Variants in LONP1 observed in about 807,000 individuals in gnomAD.
LONP1 encodes the protein lon protease homolog, mitochondrial.
LONP1 carries 31 observed loss-of-function variants against 98.5 expected under a neutral mutation model. The observed-to-expected ratio is 0.31, with a 90% CI of 0.24 to 0.42. LONP1 has a LOEUF of 0.42. LONP1 is among the 20% of genes least tolerant of loss of function. The pLI is 1.00. For synonymous variants in LONP1, 781 were observed against 594.7 expected (o/e 1.31, Z -4.56); for missense variants, 1,336 against 1,350.6 (o/e 0.99, Z 0.17).
chr19:5,702,113 C>CGGGA (rs2055059940), intron 8 of LONP1, among the ~76,000 whole-genome samples: 1 of 135,502 alleles, frequency 7.4e-6, no homozygotes, highest in Admixed American at 7.2e-5. Flanking sequence ...CCGCCCCGTC[C>CGGGA]GGGAGGTGAG....
At chr19:5,700,728 C>G (rs949756705) in intron 9 of LONP1, 61 bp downstream of exon 9, 4 of 1,601,134 alleles carry the variant, frequency 2.5e-6, no homozygotes, top group Non-Finnish European at 2.6e-6. Flanking sequence ...CCACAGCACA[C>G]AAGAGTCCTG....
chr19:5,706,973 C>T, intron 7 of LONP1, 87 bp downstream of exon 7: 1 of 1,139,616 alleles, frequency 8.8e-7, no homozygotes, highest in Non-Finnish European at 1.3e-6. Flanking sequence ...TGCCACCGGT[C>T]CCTCCGTGTG....
In LONP1 at chr19:5,702,087, C is replaced by T. The variant is rs575776815; in HGVS notation, c.1368-1160G>A. 1.3e-4 allele frequency among the ~76,000 whole-genome samples: 18 copies of T among 138,320 alleles called. No individual in the cohort carries two copies. In the South Asian group the frequency reaches 3.4e-3, roughly 26 times the overall value. 90.7% of individuals were successfully genotyped at this position (138,320 alleles called of 152,430 possible). ...TCCGGGAGGGAGGTGGGGGGGTCAG[C>T]CCCCCACCCGGCCAGCCGCCCCGTC... is the stretch of plus-strand genomic sequence containing the variant. On this transcript the variant is annotated intron_variant, in intron 8 of 17. Transcript: ENST00000360614.
chr19:5,699,271 C>T (rs779357288), intron 9 of LONP1, 66 bp from the exon 10 acceptor site: 16 of 1,306,814 alleles, frequency 1.2e-5, no homozygotes, highest in East Asian at 8.0e-5. Context: ...GCATGACTCT[C>T]GCCACCTGCA....
intron 10 of LONP1, among the ~76,000 whole-genome samples, chr19:5,697,702 GT>G (rs2054964770): frequency 6.6e-6 from 1 of 151,942 alleles, no homozygotes; most frequent in South Asian, 2.1e-4. Context: ...GCAAAGGAGG[GT>G]TTTGCTGCTG....
chr19:5,704,530 A>G (rs1213598651), intron 8 of LONP1, among the ~76,000 whole-genome samples: 2 of 152,168 alleles, frequency 1.3e-5, no homozygotes, highest in African/African-American at 2.4e-5. Flanking sequence ...GCGCTGTCCT[A>G]CGGCCTGCCC....
chr19:5,708,533 G>A, intron 4 of LONP1, 130 bp from the exon 5 acceptor site: 1 of 690,432 alleles, frequency 1.4e-6, no homozygotes, highest in Non-Finnish European at 2.5e-6. Context: ...AACTGGCCCT[G>A]GCCACGGACG....
chr19:5,693,817 C>T, intron 15 of LONP1, 48 bp from the exon 16 acceptor site: 1 of 1,517,118 alleles, frequency 6.6e-7, no homozygotes, highest in Non-Finnish European at 9.0e-7. Context: ...GGAGCCCAGG[C>T]CGGTGCTCAC....
rs2055406266 is a variant in LONP1, at chr19:5,719,920, C to T, written c.213G>A (p.Ala71=). ...IGGQWRGFWE[A]SSRGGGAFSG... ...AGAATGCGCCTCCGCCGCGGCTGCT[C>T]GCTTCCCAAAACCCCCGCCATTGGC... Residue 71 remains alanine, a synonymous_variant, in exon 1 of 18, where the codon GCG becomes GCA. Coordinates refer to ENST00000360614, the MANE Select transcript of LONP1 (RefSeq NM_004793.4). 1 of 1,550,794 alleles carries T rather than the reference C, an allele frequency of 6.4e-7. No homozygotes were observed. Among genetic ancestry groups the T allele is most frequent in the African/African-American group, 1.4e-5 (1 of 72,644 alleles).
Position 5,696,393 on chromosome 19 carries a change from G to T in LONP1, c.1774-22C>A, listed in dbSNP as rs200722928. On this transcript the variant is annotated intron_variant, in intron 11 of 17. Coordinates refer to ENST00000360614, the MANE Select transcript of LONP1 (RefSeq NM_004793.4). ...CCACCTGGGGCAGCAGACAGCAGGT[G>T]GTGCCCCTCGCCGTGCCCCTGGCCA... 5 of 1,609,682 alleles carry T rather than the reference G, an allele frequency of 3.1e-6. No homozygotes were observed. The Admixed American group carries it at 8.3e-5, about 27-fold the overall frequency.
At chr19:5,713,347 G>C (rs569078558) in intron 2 of LONP1, 94 bp from the exon 3 acceptor site, 2 of 1,453,962 alleles carry the variant, frequency 1.4e-6, no homozygotes, top group Non-Finnish European at 1.9e-6. Flanking sequence ...GAAAAGAAAC[G>C]CCCCTACCAA....
At chr19:5,707,882 C>A in intron 5 of LONP1, 56 bp from the exon 6 acceptor site, 1 of 1,597,552 alleles carries the variant, frequency 6.3e-7, no homozygotes, top group East Asian at 2.2e-5. Context: ...TGCTGCAGTG[C>A]AGCCCCCAAA....
Position 5,694,918 on chromosome 19 carries a change from C to G in LONP1, c.2014-17G>C. 6.3e-7 allele frequency: 1 copy of G among 1,587,368 alleles called. No individual in the cohort carries two copies. Among genetic ancestry groups the G allele is most frequent in the African/African-American group, 1.3e-5 (1 of 74,618 alleles). On this transcript the variant is annotated splice_polypyrimidine_tract_variant and intron_variant, in intron 13 of 17. Transcript: ENST00000360614. ...CAGGTAGCGCTGCAAGGGCAACCGT[C>G]AGGGTTGGGTCTGGAGGGACCTTGC...
chr19:5,714,333 C>CAAA, intron 1 of LONP1, 62 bp from the exon 2 acceptor site: 4 of 1,142,560 alleles, frequency 3.5e-6, no homozygotes, highest in Non-Finnish European at 3.9e-6. Context: ...GACAGAGTCT[C>CAAA]ATTCTGTTGC....
Position 5,693,648 on chromosome 19 carries a change from G to T in LONP1, c.2442C>A (p.Ala814=). The part of the protein sequence containing the change: ...GQLGEVMKES[A]RIAYTFARAF... Reference sequence around the variant, plus strand: ...CTCTGGCGAAGGTGTAGGCTATGCGGGCGCTCTCCTTCATCACCTCCCCCA... The same window carrying T: ...CTCTGGCGAAGGTGTAGGCTATGCGTGCGCTCTCCTTCATCACCTCCCCCA... The change falls in exon 16 of 18, where the codon GCC becomes GCA. Residue 814 remains alanine (A), a synonymous_variant. Coordinates refer to ENST00000360614, the MANE Select transcript of LONP1 (RefSeq NM_004793.4). The T allele has an allele frequency of 3.1e-6, 5 of 1,614,084 alleles. No individual in the cohort carries two copies. Among genetic ancestry groups the T allele is most frequent in the Non-Finnish European group, 4.2e-6 (5 of 1,179,988 alleles).
chr19:5,716,293 T>TATAC (rs1568329217), intron 1 of LONP1, among the ~76,000 whole-genome samples: 16 of 110,688 alleles, frequency 1.4e-4, no homozygotes, highest in African/African-American at 5.0e-4. Flanking sequence ...TATATATATA[T>TATAC]ATATATAGTA....
intron 8 of LONP1, among the ~76,000 whole-genome samples, chr19:5,702,099 C>T (rs1471258741): frequency 6.6e-6 from 1 of 150,426 alleles, no homozygotes; most frequent in East Asian, 2.0e-4. Flanking sequence ...CCCCACCCGG[C>T]CAGCCGCCCC....
At chr19:5,713,591 C>T (rs1050002223) in intron 2 of LONP1, among the ~76,000 whole-genome samples, 2 of 152,012 alleles carry the variant, frequency 1.3e-5, no homozygotes, top group African/African-American at 4.8e-5. Context: ...GATGGAGTTT[C>T]GCTCTTGTTG....
At position 5,696,720 on chromosome 19, in the gene LONP1, G is replaced by A. The variant is rs1319549392; in HGVS notation, c.1723C>T (p.Gln575Ter). ...YVGAMPGKII[Q>*]CLKKTKTENP... ...TCCGTCTTGGTCTTCTTCAAACACT[G>A]GATGATCTTCCCGGGCATGGCGCCC... is the stretch of plus-strand genomic sequence containing the variant. The change falls in exon 11 of 18, where the codon CAG becomes TAG. Residue 575 changes from glutamine to a stop codon, truncating the protein, a stop_gained. Transcript: ENST00000360614. LOFTEE classifies it high-confidence loss of function. The A allele has an allele frequency of 1.2e-6, 2 of 1,613,606 alleles. No individual in the cohort carries two copies. The highest frequency in any genetic ancestry group is 8.5e-7 in the Non-Finnish European group (1 of 1,179,942).
Sources: allele counts gnomAD v4.1 joint callset (sites outside exome capture counted in the v4.1 genomes callset), GRCh38; gene constraint gnomAD v4.1.1; transcripts MANE v1.5; gene names NCBI Gene and HGNC (gene_info 2026-07-23, HGNC 2026-07-21).